Variants in ELP4 observed in about 807,000 individuals in gnomAD.
ELP4 encodes the protein elongator acetyltransferase complex subunit 4.
ELP4 carries 51 observed loss-of-function variants against 48.9 expected under a neutral mutation model. The ratio of observed to expected loss-of-function variants is 1.04; its 90% CI spans 0.83 to 1.32. The LOEUF (loss-of-function observed/expected upper bound fraction) is 1.32. Among genes scored for constraint, ELP4 ranks in the 40% most tolerant of loss-of-function variants. ELP4 has a pLI of 0.00. For missense variants in ELP4, 519 were observed against 514.6 expected (o/e 1.01, Z -0.08); for synonymous variants, 210 against 189.2 (o/e 1.11, Z -0.90).
chr11:31,675,466 G>A (rs906317420), intron 9 of ELP4, among the ~76,000 whole-genome samples: 1 of 152,036 alleles, frequency 6.6e-6, no homozygotes, highest in East Asian at 1.9e-4. Flanking sequence ...GTTTCTCCAT[G>A]TTGAGGCTGG....
At chr11:31,553,764 A>G (rs148397974) in intron 3 of ELP4, among the ~76,000 whole-genome samples, 1 of 141,964 alleles carries the variant, frequency 7.0e-6, no homozygotes. Context: ...ACACACACAC[A>G]CCCTATTGGT....
At chr11:31,661,502 A>G (rs189104064) in intron 9 of ELP4, among the ~76,000 whole-genome samples, 40 of 152,196 alleles carry the variant, frequency 2.6e-4, no homozygotes, top group Admixed American at 2.6e-3. Context: ...TTGGGAAAAT[A>G]TCATTCTTTT....
chr11:31,683,446 A>G (rs1271033807), intron 9 of ELP4, among the ~76,000 whole-genome samples: 1 of 152,202 alleles, frequency 6.6e-6, no homozygotes, highest in East Asian at 1.9e-4. Flanking sequence ...TGAAGTTTCA[A>G]ATTGGCAAAT....
At position 31,583,804 on chromosome 11, in the gene ELP4, A is replaced by T. The variant is rs1270569502; in HGVS notation, c.382-10966A>T. Among the ~76,000 whole-genome samples, 4 of 152,350 alleles carry T rather than the reference A, an allele frequency of 2.6e-5. No homozygotes were observed. In the East Asian group the frequency reaches 5.8e-4, roughly 22 times the overall value. ...ATTTTCTATTCTAGAACTGACCAAC[A>T]GAATTTTCTGTGGTGTTGGAAATGT... On this transcript the variant is annotated intron_variant, in intron 3 of 9. Coordinates refer to ENST00000640961, the MANE Select transcript of ELP4 (RefSeq NM_019040.5).
chr11:31,653,455 T>G (rs1945364332), intron 9 of ELP4: 3 of 151,748 alleles, frequency 2.0e-5, no homozygotes, highest in South Asian at 2.1e-4. Flanking sequence ...TAGCAAACAT[T>G]TGTTGAGCCT....
Position 31,647,862 on chromosome 11 carries a change from T to A in ELP4, c.1036+13T>A. 1 of 1,479,210 alleles carries A rather than the reference T, an allele frequency of 6.8e-7. No homozygotes were observed. The highest frequency in any genetic ancestry group is 1.1e-5 in the South Asian group (1 of 88,062). The allele number at this position is 1,479,210 out of a possible 1,614,324, so 91.6% of individuals were successfully genotyped here. A position where few individuals can be genotyped will look rare whatever the true frequency, so the allele number is the denominator to read the frequency against. On this transcript the variant is annotated intron_variant, in intron 8 of 9. Transcript: ENST00000640961. ...AAGGATTATCATGGTAAGTACAACC[T>A]TCATAATGAGAAGAGCAGGAGCAGG...
intron 9 of ELP4, among the ~76,000 whole-genome samples, chr11:31,720,763 G>C (rs1035349153): frequency 2.6e-5 from 4 of 152,284 alleles, no homozygotes; most frequent in Non-Finnish European, 5.9e-5. Context: ...CAAGAAACAT[G>C]AACAGCATAG....
chr11:31,519,973 C>A, intron 1 of ELP4, 83 bp from the exon 2 acceptor site: 1 of 1,349,484 alleles, frequency 7.4e-7, no homozygotes. Flanking sequence ...ATTGAAGTGC[C>A]TTTCCTTCAT....
At chr11:31,561,320 A>G (rs1016056665) in intron 3 of ELP4, among the ~76,000 whole-genome samples, 3 of 152,190 alleles carry the variant, frequency 2.0e-5, no homozygotes, top group African/African-American at 7.2e-5. Context: ...CCAAAGGAAC[A>G]CTCAAATTTT....
At chr11:31,705,778 T>C (rs2134163742) in intron 9 of ELP4, among the ~76,000 whole-genome samples, 1 of 152,338 alleles carries the variant, frequency 6.6e-6, no homozygotes, top group South Asian at 2.1e-4. Context: ...ACATCATAAA[T>C]GTTTGACATT....
At position 31,628,617 on chromosome 11, in the gene ELP4, G is replaced by A. The variant is rs186874836; in HGVS notation, c.738+1423G>A. ...AATTGATAGACACCAAACTGGAGCT[G>A]GTTTGGCTTTCTGAACCAGAGATTC... On this transcript the variant is annotated intron_variant, in intron 6 of 9. Transcript: ENST00000640961. Among the ~76,000 whole-genome samples, 8 of 151,946 alleles carry A rather than the reference G, an allele frequency of 5.3e-5. No individual in the cohort carries two copies. In the East Asian group the frequency reaches 1.5e-3, roughly 29 times the overall value.
At chr11:31,761,065 A>T (rs1460396103) in intron 9 of ELP4, among the ~76,000 whole-genome samples, 1 of 152,144 alleles carries the variant, frequency 6.6e-6, no homozygotes, top group Non-Finnish European at 1.5e-5. Context: ...CAGAAATTTT[A>T]TCAACTCAAT....
intron 7 of ELP4, among the ~76,000 whole-genome samples, chr11:31,639,985 G>A (rs1282499476): frequency 2.0e-5 from 3 of 151,878 alleles, no homozygotes; most frequent in South Asian, 4.2e-4. Context: ...GTCTCATCAC[G>A]GTATGGAGAT....
At chr11:31,701,896 T>A (rs1226759531) in intron 9 of ELP4, among the ~76,000 whole-genome samples, 2 of 152,014 alleles carry the variant, frequency 1.3e-5, no homozygotes, top group Non-Finnish European at 2.9e-5. Flanking sequence ...TACCTTTATT[T>A]CTCAGCATAC....
chr11:31,680,685 ATGT>A (rs1188178946), intron 9 of ELP4, among the ~76,000 whole-genome samples: 1 of 152,184 alleles, frequency 6.6e-6, no homozygotes. Context: ...GTGTTAGAAA[ATGT>A]TGTATGCAAT....
rs943944898 is a variant in ELP4 at position 31,532,757 on chromosome 11, C to CT, written c.260-6897dup. Among the ~76,000 whole-genome samples, 7 of 127,818 alleles carry CT rather than the reference C, an allele frequency of 5.5e-5. No homozygotes were observed. In the East Asian group the frequency reaches 9.2e-4, roughly 17 times the overall value. 83.9% of individuals were successfully genotyped at this position (127,818 alleles called of 152,430 possible). ...TCTCAGGGTGTACAAGTACAGATTT[C>CT]TTTTTTTTGTTGGTTTTTTTTTTTT... On this transcript the variant is annotated intron_variant, in intron 2 of 9. Transcript: ENST00000640961.
intron 2 of ELP4, among the ~76,000 whole-genome samples, chr11:31,538,498 T>C (rs955493863): frequency 2.7e-5 from 4 of 150,106 alleles, no homozygotes; most frequent in Non-Finnish European, 5.9e-5. Context: ...AGACCTTCCA[T>C]ACGATATTGA....
intron 9 of ELP4, among the ~76,000 whole-genome samples, chr11:31,764,255 A>C (rs182848170): frequency 1.3e-5 from 2 of 152,204 alleles, no homozygotes; most frequent in East Asian, 3.8e-4. Context: ...GTCTCAGAGT[A>C]CATCGTTTGT....
At chr11:31,675,060 A>G (rs1192291776) in intron 9 of ELP4, among the ~76,000 whole-genome samples, 7 of 152,162 alleles carry the variant, frequency 4.6e-5, no homozygotes, top group Admixed American at 2.6e-4. Flanking sequence ...CTCTTTTTCT[A>G]TTTTATTGCT....
Sources: gnomAD v4.1 joint callset for allele counts (sites outside exome capture counted in the v4.1 genomes callset) on GRCh38, gnomAD v4.1.1 for gene constraint, MANE v1.5 for transcripts, NCBI Gene and HGNC (gene_info 2026-07-23, HGNC 2026-07-21) for gene names.